Variants in PPFIA2 observed in about 807,000 individuals in gnomAD.
PPFIA2 encodes PPFI scaffold protein A2, also known as liprin-alpha-2.
In PPFIA2, 46 loss-of-function variants were observed where a neutral mutation model predicts 175.5. That is an observed-to-expected ratio of 0.26 (90% CI 0.21 to 0.34). PPFIA2 has a LOEUF of 0.34. Ranked by LOEUF, PPFIA2 falls within the 10% of genes least tolerant of loss-of-function variation. The pLI, the probability that PPFIA2 is intolerant of heterozygous loss-of-function variation, is 1.00. For synonymous variants in PPFIA2, 568 were observed against 511.4 expected, an observed-to-expected ratio of 1.11 and a Z score of -1.49; for missense variants, 1,179 against 1,506.1, an observed-to-expected ratio of 0.78 and a Z score of 3.60.
At position 81,717,042 on chromosome 12, in the gene PPFIA2, A is replaced by G. The variant is rs533447365; in HGVS notation, c.249+36931T>C. ...ATGTAATTGTAAGAATCCATGAGAT[A>G]GTGGGACAACATGGGAGTTTAATCT... On this transcript the variant is annotated intron_variant, in intron 3 of 32. Transcript: ENST00000549396. 2.6e-5 allele frequency among the ~76,000 whole-genome samples: 4 copies of G among 151,814 alleles called. No homozygotes were observed. In the East Asian group the frequency reaches 7.8e-4, roughly 30 times the overall value.
intron 4 of PPFIA2, among the ~76,000 whole-genome samples, chr12:81,595,065 T>C (rs1474758785): frequency 6.6e-6 from 1 of 151,982 alleles, no homozygotes; most frequent in Non-Finnish European, 1.5e-5. Context: ...GCCATGGTGG[T>C]GGCCAGGATA....
intron 10 of PPFIA2, 128 bp from the exon 11 acceptor site, chr12:81,374,896 CAA>C (rs1193735971): frequency 2.5e-6 from 2 of 784,752 alleles, no homozygotes; most frequent in Non-Finnish European, 3.9e-6. Flanking sequence ...CCTAAATGTG[CAA>C]AGTGTTGATT....
Position 81,369,438 on chromosome 12 carries a change from G to C in PPFIA2, c.1267-244C>G, listed in dbSNP as rs1334175704. 3.0e-6 allele frequency: 4 copies of C among 1,325,924 alleles called. No individual in the cohort carries two copies. In the African/African-American group the frequency reaches 6.0e-5, roughly 20 times the overall value. The allele number at this position is 1,325,924 out of a possible 1,614,324, so 82.1% of individuals were successfully genotyped here. Reference sequence around the variant, plus strand: ...TTATGAGCAATGAAATCAGCCAAATGTAACATGCAGACTGTGCATGGTTTG... The same window carrying C: ...TTATGAGCAATGAAATCAGCCAAATCTAACATGCAGACTGTGCATGGTTTG... On this transcript the variant is annotated intron_variant, in intron 11 of 32. Coordinates refer to ENST00000549396, the MANE Select transcript of PPFIA2 (RefSeq NM_003625.5).
intron 3 of PPFIA2, among the ~76,000 whole-genome samples, chr12:81,752,673 C>A (rs960663705): frequency 1.1e-4 from 17 of 152,256 alleles, no homozygotes; most frequent in Admixed American, 6.5e-4. Flanking sequence ...TCATAAATAT[C>A]TCTATGAGTT....
chr12:81,728,095 T>C (rs975615270), intron 3 of PPFIA2, among the ~76,000 whole-genome samples: 2 of 151,450 alleles, frequency 1.3e-5, no homozygotes, highest in South Asian at 2.1e-4. Context: ...TCAACTCTAA[T>C]GCAATAAGAA....
intron 29 of PPFIA2, among the ~76,000 whole-genome samples, chr12:81,267,653 A>G (rs1593411648): frequency 6.6e-6 from 1 of 152,076 alleles, no homozygotes; most frequent in South Asian, 2.1e-4. Flanking sequence ...CAGGGATTTC[A>G]TTTAGTGGAA....
chr12:81,634,297 T>A (rs922179045), intron 4 of PPFIA2, among the ~76,000 whole-genome samples: 4 of 151,908 alleles, frequency 2.6e-5, no homozygotes, highest in African/African-American at 9.7e-5. Context: ...CTCGAAATGT[T>A]CCTGCTTCAA....
In PPFIA2 at chr12:81,724,694, G is replaced by A. The variant is rs573930351; in HGVS notation, c.249+29279C>T. On this transcript the variant is annotated intron_variant, in intron 3 of 32. Transcript: ENST00000549396. ...ATGACTAAGCAGTATCCCATGATATGTATATATACCACATTTTTGTTTACC... is the reference window on the plus strand; with the variant it reads ...ATGACTAAGCAGTATCCCATGATATATATATATACCACATTTTTGTTTACC... Among the ~76,000 whole-genome samples, 25 of 151,018 alleles carry A rather than the reference G, an allele frequency of 1.7e-4. No homozygotes were observed. The East Asian group carries it at 3.9e-3, about 24-fold the overall frequency.
At chr12:81,457,992 G>C (rs187635604) in intron 4 of PPFIA2, 126 bp from the exon 5 acceptor site, 2 of 621,828 alleles carry the variant, frequency 3.2e-6, no homozygotes, top group East Asian at 5.6e-5. Context: ...AACATATGTT[G>C]CTGTTATGAA....
intron 4 of PPFIA2, among the ~76,000 whole-genome samples, chr12:81,642,970 TA>T (rs546907234): frequency 0.014 from 465 of 33,888 alleles, 2 homozygotes; most frequent in Non-Finnish European, 0.014. Flanking sequence ...CACACATATA[TA>T]AATTATATAT....
chr12:81,268,099 G>C lies in PPFIA2; in HGVS notation c.3311-12C>G. The C allele has an allele frequency of 7.1e-7, 1 of 1,402,580 alleles. No homozygotes were observed. 86.9% of individuals were successfully genotyped at this position (1,402,580 alleles called of 1,614,324 possible). ...CCACACCAACACGTCTAGGAAAAGAGATGCATCATTTTAGGATGCATTATT... is the reference window on the plus strand; with the variant it reads ...CCACACCAACACGTCTAGGAAAAGACATGCATCATTTTAGGATGCATTATT... On this transcript the variant is annotated splice_polypyrimidine_tract_variant and intron_variant, in intron 28 of 32. Transcript: ENST00000549396.
At chr12:81,345,054 T>C (rs1449305263) in intron 18 of PPFIA2, among the ~76,000 whole-genome samples, 1 of 152,090 alleles carries the variant, frequency 6.6e-6, no homozygotes, top group Non-Finnish European at 1.5e-5. Context: ...CAAGAAAATA[T>C]TATTGGGAGT....
chr12:81,500,902 C>T (rs147991456), intron 4 of PPFIA2, among the ~76,000 whole-genome samples: 5 of 152,210 alleles, frequency 3.3e-5, no homozygotes, highest in Non-Finnish European at 7.3e-5. Flanking sequence ...ACCTCTGCTC[C>T]TCATAATCAG....
At chr12:81,730,332 A>G (rs2080707321) in intron 3 of PPFIA2, among the ~76,000 whole-genome samples, 1 of 151,666 alleles carries the variant, frequency 6.6e-6, no homozygotes, top group Non-Finnish European at 1.5e-5. Context: ...TAATTTACAA[A>G]GGAAAGAAGT....
chr12:81,376,040 A>T lies in PPFIA2; in HGVS notation c.985-98T>A, dbSNP rs971425198. 5.4e-6 allele frequency: 6 copies of T among 1,120,164 alleles called. No homozygotes were observed. The African/African-American group carries it at 9.5e-5, about 18-fold the overall frequency. The allele number at this position is 1,120,164 out of a possible 1,614,324, so 69.4% of individuals were successfully genotyped here. On this transcript the variant is annotated intron_variant, in intron 9 of 32. Coordinates refer to ENST00000549396, the MANE Select transcript of PPFIA2 (RefSeq NM_003625.5). ...AAAAAAGAAACATAAAAACTATTGC[A>T]TTCTTGAAGTAAATACTCATTCCTT...
chr12:81,608,744 T>C (rs1022462793), intron 4 of PPFIA2, among the ~76,000 whole-genome samples: 13 of 152,004 alleles, frequency 8.6e-5, no homozygotes, highest in African/African-American at 3.1e-4. Context: ...AAAAAACAAG[T>C]CTTGGTTTCA....
intron 4 of PPFIA2, among the ~76,000 whole-genome samples, chr12:81,554,231 A>C (rs2068450533): frequency 6.6e-6 from 1 of 152,036 alleles, no homozygotes; most frequent in African/African-American, 2.4e-5. Context: ...AATTTGTAGG[A>C]CTTGATCAGT....
chr12:81,614,324 C>A (rs1288810484), intron 4 of PPFIA2, among the ~76,000 whole-genome samples: 1 of 151,948 alleles, frequency 6.6e-6, no homozygotes, highest in East Asian at 1.9e-4. Flanking sequence ...TTTATAACAT[C>A]TCAGAAGAAA....
chr12:81,453,665 T>G (rs1343432577), intron 5 of PPFIA2, among the ~76,000 whole-genome samples: 1 of 152,112 alleles, frequency 6.6e-6, no homozygotes, highest in African/African-American at 2.4e-5. Context: ...TCTATTTTTG[T>G]ATAATTGTTT....
Sources: gnomAD v4.1 joint callset for allele counts (sites outside exome capture counted in the v4.1 genomes callset) on GRCh38, gnomAD v4.1.1 for gene constraint, MANE v1.5 for transcripts, NCBI Gene and HGNC (gene_info 2026-07-23, HGNC 2026-07-21) for gene names.